ALDH1A3: variants seen among roughly 807,000 people sequenced by gnomAD.
ALDH1A3 encodes the protein retinaldehyde dehydrogenase 3.
In ALDH1A3, 28 loss-of-function variants were observed where a neutral mutation model predicts 57.5. The observed-to-expected ratio is 0.49, with a 90% CI of 0.36 to 0.67. The LOEUF (loss-of-function observed/expected upper bound fraction) is 0.67. Among genes scored for constraint, ALDH1A3 ranks in the 30% least tolerant of loss-of-function variants. The pLI is 0.00. For synonymous variants in ALDH1A3, 281 were observed against 264.8 expected (o/e 1.06, Z -0.59); for missense variants, 507 against 669.4 (o/e 0.76, Z 2.68).
chr15:100,893,106 C>G lies in ALDH1A3; in HGVS notation c.537+100C>G. On this transcript the variant is annotated intron_variant, in intron 5 of 12. Coordinates refer to ENST00000329841, the MANE Select transcript of ALDH1A3 (RefSeq NM_000693.4). This position sits in a 1 kb window ranked among gnomAD's most constrained non-coding sequence, Gnocchi z 4.8. The stretch of plus-strand genomic sequence containing the variant: ...TCTGGTGTGTTTTTATCTGATTGCA[C>G]CAGCGTTGAACAAGCATTTTCTTCG... The G allele has an allele frequency of 9.0e-7, 1 of 1,114,304 alleles. No homozygotes were observed. Among genetic ancestry groups the G allele is most frequent in the Non-Finnish European group, 1.3e-6 (1 of 772,120 alleles). 69.0% of individuals were successfully genotyped at this position (1,114,304 alleles called of 1,614,324 possible).
chr15:100,893,717 T>G lies in ALDH1A3; in HGVS notation c.538-237T>G, dbSNP rs2141556067. On this transcript the variant is annotated intron_variant, in intron 5 of 12. Transcript: ENST00000329841. This position sits in a 1 kb window ranked among gnomAD's most constrained non-coding sequence, Gnocchi z 4.8. The stretch of plus-strand genomic sequence containing the variant: ...TCAGCAGATGTTTTAGAGGGAGAGG[T>G]AGAACACATGCAACAGCATCCTCTT... The G allele has an allele frequency of 2.2e-6, 1 of 448,168 alleles. No individual in the cohort carries two copies. The highest frequency in any genetic ancestry group is 3.9e-6 in the Non-Finnish European group (1 of 256,042). The allele number at this position is 448,168 out of a possible 1,614,324, so 27.8% of individuals were successfully genotyped here.
chr15:100,903,807 A>G (rs2141566921), intron 9 of ALDH1A3, among the ~76,000 whole-genome samples: 1 of 152,284 alleles, frequency 6.6e-6, no homozygotes, highest in East Asian at 1.9e-4. Context: ...TATTTCCTTT[A>G]TTATCAAATG....
rs201469158 is a variant in ALDH1A3 at position 100,883,623 on chromosome 15, C to T, written c.100-1644C>T. 7.9e-5 allele frequency among the ~76,000 whole-genome samples: 12 copies of T among 151,614 alleles called. No individual in the cohort carries two copies. The East Asian group carries it at 2.3e-3, about 29-fold the overall frequency. On this transcript the variant is annotated intron_variant, in intron 1 of 12. Coordinates refer to ENST00000329841, the MANE Select transcript of ALDH1A3 (RefSeq NM_000693.4). ...AACCGACTCAGACCAGGCTTCCTCA[C>T]TATGAGCTTCAGAGGTTTTTGTGGG...
chr15:100,887,426 C>G lies in ALDH1A3; in HGVS notation c.205-146C>G, dbSNP rs28699556. 9 of 931,520 alleles carry G rather than the reference C, an allele frequency of 9.7e-6. No homozygotes were observed. Among genetic ancestry groups the G allele is most frequent in the African/African-American group, 1.7e-5 (1 of 58,318 alleles). 57.7% of individuals were successfully genotyped at this position (931,520 alleles called of 1,614,324 possible). A position where few individuals can be genotyped will look rare whatever the true frequency, so the allele number is the denominator to read the frequency against. The stretch of plus-strand genomic sequence containing the variant: ...TGCAGTCACTTCAAAAGATGACACC[C>G]AAACTGCAGTCACGTCAAAAGATGA... On this transcript the variant is annotated intron_variant, in intron 2 of 12. Transcript: ENST00000329841. This position sits in a 1 kb window ranked among gnomAD's most constrained non-coding sequence, Gnocchi z 4.6.
intron 3 of ALDH1A3, among the ~76,000 whole-genome samples, chr15:100,891,388 C>T (rs73480621): frequency 0.13 from 19,982 of 152,222 alleles, 2,892 homozygotes; most frequent in African/African-American, 0.36. Flanking sequence ...TGGGGTAGCC[C>T]GAGCATCCGG....
chr15:100,900,989 G>A (rs183191688), intron 9 of ALDH1A3, among the ~76,000 whole-genome samples: 2 of 152,306 alleles, frequency 1.3e-5, no homozygotes, highest in Admixed American at 1.3e-4. Context: ...GCTATTCCCA[G>A]GGCAGAAGGC....
chr15:100,901,580 G>T (rs1205088152), intron 9 of ALDH1A3, among the ~76,000 whole-genome samples: 1 of 152,202 alleles, frequency 6.6e-6, no homozygotes, highest in Non-Finnish European at 1.5e-5. Flanking sequence ...GCTCAGATTT[G>T]GCCCTGGGTT....
chr15:100,900,456 C>G, intron 8 of ALDH1A3, 119 bp from the exon 9 acceptor site: 1 of 897,732 alleles, frequency 1.1e-6, no homozygotes, highest in Non-Finnish European at 1.7e-6. Flanking sequence ...TGAAATGCAG[C>G]CATCCTGGGG....
intron 3 of ALDH1A3, chr15:100,888,534 A>T (rs1411375316): frequency 6.6e-6 from 1 of 152,234 alleles, no homozygotes; most frequent in Non-Finnish European, 1.5e-5. Flanking sequence ...TTAACATAGA[A>T]AAAATTGTTC....
chr15:100,880,048 G>T (rs1320821026), intron 1 of ALDH1A3, 42 bp downstream of exon 1: 4 of 1,369,266 alleles, frequency 2.9e-6, no homozygotes, highest in Non-Finnish European at 2.9e-6. Context: ...GCGGGCCCCT[G>T]CGCTGGGCAG....
At chr15:100,903,592 T>G (rs1345785397) in intron 9 of ALDH1A3, among the ~76,000 whole-genome samples, 4 of 152,228 alleles carry the variant, frequency 2.6e-5, no homozygotes, top group Non-Finnish European at 5.9e-5. Context: ...CCTTAAGTGT[T>G]GCTGAATTAC....
intron 8 of ALDH1A3, among the ~76,000 whole-genome samples, chr15:100,899,227 G>A (rs184562000): frequency 6.6e-6 from 1 of 152,300 alleles, no homozygotes; most frequent in East Asian, 1.9e-4. Flanking sequence ...GTTCCCTTGT[G>A]GAAGCACCAT....
At chr15:100,908,191 A>G (rs557253508) in intron 11 of ALDH1A3, among the ~76,000 whole-genome samples, 5 of 152,062 alleles carry the variant, frequency 3.3e-5, no homozygotes, top group East Asian at 1.9e-4. Context: ...TCCTATCCCA[A>G]TGAAACACAC....
rs2141563857 is a variant in ALDH1A3, at chr15:100,900,794, T to TCA, written c.1068+35_1068+36insCA. On this transcript the variant is annotated intron_variant, in intron 9 of 12. Coordinates refer to ENST00000329841, the MANE Select transcript of ALDH1A3 (RefSeq NM_000693.4). ...CTGGTGTGTGTGAAACCATGGTGCTTGTCTAGGGGCTGAAGCAGGCAGTCC... is the reference window on the plus strand; with the variant it reads ...CTGGTGTGTGTGAAACCATGGTGCTTCAGTCTAGGGGCTGAAGCAGGCAGTCC... The TCA allele has an allele frequency of 2.5e-6, 4 of 1,603,144 alleles. No homozygotes were observed. The South Asian group carries it at 4.5e-5, about 18-fold the overall frequency.
At chr15:100,908,364 G>A (rs1447401811) in intron 11 of ALDH1A3, 44 bp from the exon 12 acceptor site, 1 of 1,548,520 alleles carries the variant, frequency 6.5e-7, no homozygotes, top group Non-Finnish European at 8.9e-7. Context: ...GGAGCCAGGG[G>A]GTCTTCTCCA....
At chr15:100,896,923 T>C (rs1285716427) in intron 7 of ALDH1A3, among the ~76,000 whole-genome samples, 2 of 152,212 alleles carry the variant, frequency 1.3e-5, no homozygotes, top group Admixed American at 6.5e-5. Context: ...TCTGGAAGGA[T>C]TCCCAAGAAA....
In ALDH1A3 at chr15:100,885,338, G is replaced by A. The variant is rs765460358; in HGVS notation, c.171G>A (p.Arg57=). The A allele has an allele frequency of 1.2e-6, 2 of 1,613,570 alleles. No individual in the cohort carries two copies. The highest frequency in any genetic ancestry group is 3.3e-5 in the Admixed American group (2 of 60,034). Residue 57 remains arginine (R), a synonymous_variant, in exon 2 of 13, where the codon CGG becomes CGA. Coordinates refer to ENST00000329841, the MANE Select transcript of ALDH1A3 (RefSeq NM_000693.4). ...TTGCTACATGTAACCCTTCAACTCG[G>A]GAGCAAATATGTGAAGTGGAAGAAG... is the stretch of plus-strand genomic sequence containing the variant. ...KKFATCNPST[R]EQICEVEEGD...
chr15:100,909,586 G>T (rs1179731486), intron 12 of ALDH1A3, among the ~76,000 whole-genome samples: 1 of 150,980 alleles, frequency 6.6e-6, no homozygotes, highest in Non-Finnish European at 1.5e-5. Flanking sequence ...CTTCGTGTGT[G>T]TGCAAACCCA....
intron 12 of ALDH1A3, among the ~76,000 whole-genome samples, chr15:100,912,345 AAACT>A (rs780293474): frequency 6.6e-6 from 1 of 152,210 alleles, no homozygotes; most frequent in Non-Finnish European, 1.5e-5. Flanking sequence ...CTTTTTCTGA[AAACT>A]AACTATTCCT....
Sources: allele counts gnomAD v4.1 joint callset (sites outside exome capture counted in the v4.1 genomes callset), GRCh38; gene constraint gnomAD v4.1.1; non-coding constraint Gnocchi (gnomAD v3.1); transcripts MANE v1.5; gene names NCBI Gene and HGNC (gene_info 2026-07-23, HGNC 2026-07-21).